Variants in LNX1 observed in about 807,000 individuals in gnomAD.
LNX1 encodes the protein E3 ubiquitin-protein ligase LNX.
In LNX1, 54 loss-of-function variants were observed where a neutral mutation model predicts 68.4. The observed-to-expected ratio is 0.79, with a 90% CI of 0.63 to 0.99. The LOEUF is 0.99. LNX1 is among the 50% of genes least tolerant of loss of function. The pLI, the probability that LNX1 is intolerant of heterozygous loss-of-function variation, is 0.00. For missense variants in LNX1, 906 were observed against 926.4 expected (o/e 0.98, Z 0.29); for synonymous variants, 336 against 350.0 (o/e 0.96, Z 0.45).
At chr4:53,594,170 T>C (rs556495572), upstream of LNX1, 1 of 150,616 alleles carries the variant, frequency 6.6e-6, no homozygotes, top group African/African-American at 2.4e-5. Flanking sequence ...TATATAAATA[T>C]GTATATATTC....
chr4:53,597,413 C>T (rs1732800415), intron 2 of LNX1, among the ~76,000 whole-genome samples: 1 of 152,204 alleles, frequency 6.6e-6, no homozygotes. Flanking sequence ...TGCCAGCCCC[C>T]ATGCCATAGT....
intron 2 of LNX1, among the ~76,000 whole-genome samples, chr4:53,543,588 A>AT (rs1728901457): frequency 6.6e-6 from 1 of 152,234 alleles, no homozygotes; most frequent in African/African-American, 2.4e-5. Flanking sequence ...GAAGTAGGAA[A>AT]TATCTTGCTC....
At chr4:53,590,493 G>T (rs973389291) in intron 1 of LNX1, among the ~76,000 whole-genome samples, 12 of 113,446 alleles carry the variant, frequency 1.1e-4, no homozygotes, top group Non-Finnish European at 1.9e-4. Flanking sequence ...TGGCTAAAGA[G>T]TTTGACTATT....
intron 6 of LNX1, among the ~76,000 whole-genome samples, chr4:53,491,605 T>G (rs1044104053): frequency 9.2e-5 from 14 of 152,210 alleles, no homozygotes; most frequent in African/African-American, 3.4e-4. Context: ...AAATGGCACA[T>G]GAAAGCAGAT....
chr4:53,480,853 A>G (rs151124685), intron 7 of LNX1, among the ~76,000 whole-genome samples: 19 of 152,362 alleles, frequency 1.2e-4, no homozygotes, highest in African/African-American at 4.6e-4. Context: ...GGCATTCCCT[A>G]CTTTCTGTTG....
intron 2 of LNX1, among the ~76,000 whole-genome samples, chr4:53,598,930 G>A (rs1732873619): frequency 6.6e-6 from 1 of 152,202 alleles, no homozygotes; most frequent in Non-Finnish European, 1.5e-5. Flanking sequence ...GGAACTTAGA[G>A]TCAATAAGGA....
At chr4:53,547,862 G>A (rs6812927) in intron 2 of LNX1, among the ~76,000 whole-genome samples, 48,748 of 151,962 alleles carry the variant, frequency 0.32, 8,245 homozygotes, top group African/African-American at 0.4. Context: ...TGACTGTAAG[G>A]CTGATGAATA....
intron 1 of LNX1, among the ~76,000 whole-genome samples, chr4:53,577,952 C>A (rs1302921756): frequency 6.6e-6 from 1 of 152,058 alleles, no homozygotes; most frequent in African/African-American, 2.4e-5. Flanking sequence ...ATTTACCATG[C>A]GCCAGGCACT....
intron 2 of LNX1, among the ~76,000 whole-genome samples, chr4:53,571,115 G>T (rs1221090167): frequency 6.6e-6 from 1 of 151,870 alleles, no homozygotes; most frequent in Non-Finnish European, 1.5e-5. Context: ...TGCCTCCTGG[G>T]TTCAAGTGAT....
chr4:53,638,620 G>C (rs1401326921), intron 1 of LNX1, among the ~76,000 whole-genome samples: 1 of 152,106 alleles, frequency 6.6e-6, no homozygotes, highest in Admixed American at 6.5e-5. Flanking sequence ...CTTCATTGGT[G>C]ATTTTGCTGT....
chr4:53,508,268 T>C, intron 2 of LNX1, 41 bp from the exon 3 acceptor site: 1 of 1,598,156 alleles, frequency 6.3e-7, no homozygotes, highest in Non-Finnish European at 8.6e-7. Context: ...GAGCTTTGGC[T>C]CTGCTGCCAT....
intron 9 of LNX1, among the ~76,000 whole-genome samples, chr4:53,462,631 G>A (rs755190964): frequency 1.3e-5 from 2 of 152,042 alleles, no homozygotes. Flanking sequence ...TCAATGTGAC[G>A]TGACTTTTTT....
At chr4:53,651,786 G>A (rs547558833) in intron 1 of LNX1, among the ~76,000 whole-genome samples, 17 of 152,110 alleles carry the variant, frequency 1.1e-4, no homozygotes, top group Non-Finnish European at 1.3e-4. Context: ...TTTAAATGAC[G>A]ATAAAGAATA....
chr4:53,575,173 G>C (rs1215477661), intron 1 of LNX1, among the ~76,000 whole-genome samples: 5 of 152,058 alleles, frequency 3.3e-5, no homozygotes, highest in Admixed American at 2.6e-4. Context: ...GTAGAGACAG[G>C]GTTTCGCCAT....
chr4:53,631,303 C>G (rs979968994), intron 1 of LNX1, among the ~76,000 whole-genome samples: 11 of 152,092 alleles, frequency 7.2e-5, no homozygotes, highest in Non-Finnish European at 7.3e-5. Flanking sequence ...AACGAAACAC[C>G]CTTTTCCACC....
In LNX1 at chr4:53,604,734, A is replaced by G. The variant is rs529840659; in HGVS notation, c.-215+11783T>C. 7.9e-5 allele frequency among the ~76,000 whole-genome samples: 12 copies of G among 152,354 alleles called. No homozygotes were observed. The South Asian group carries it at 2.3e-3, about 29-fold the overall frequency. On this transcript the variant is annotated intron_variant, in intron 2 of 3. Coordinates refer to the LNX1 transcript ENST00000504299. ...AGACAGACTAATTTGTTTCTCATAT[A>G]ATGAACTAGAAGGTATATTTCTAAG... is the stretch of plus-strand genomic sequence containing the variant.
intron 2 of LNX1, among the ~76,000 whole-genome samples, chr4:53,513,101 A>G (rs1346837627): frequency 5.8e-5 from 1 of 17,264 alleles, no homozygotes; most frequent in Non-Finnish European, 5.1e-4. Context: ...AACCATACCA[A>G]CAATTTTTTT....
chr4:53,609,774 T>A, intron 2 of LNX1, among the ~76,000 whole-genome samples: 1 of 143,744 alleles, frequency 7.0e-6, no homozygotes, highest in East Asian at 2.0e-4. Flanking sequence ...TTATATATTA[T>A]ATATAATATA....
intron 6 of LNX1, among the ~76,000 whole-genome samples, chr4:53,491,764 C>A (rs1334188612): frequency 6.6e-6 from 1 of 150,982 alleles, no homozygotes; most frequent in African/African-American, 2.4e-5. Context: ...TATTGCCAGC[C>A]ATTGCTTTAA....
Sources: gnomAD v4.1 joint callset for allele counts (sites outside exome capture counted in the v4.1 genomes callset) on GRCh38, gnomAD v4.1.1 for gene constraint, MANE v1.5 for transcripts, NCBI Gene and HGNC (gene_info 2026-07-23, HGNC 2026-07-21) for gene names.